SRGAP1: variants seen among roughly 807,000 people sequenced by gnomAD.
SRGAP1 encodes SLIT-ROBO Rho GTPase-activating protein 1.
A neutral mutation model predicts 121.9 loss-of-function variants in SRGAP1; 43 were observed. The observed-to-expected ratio is 0.35, with a 90% CI of 0.28 to 0.46. The LOEUF is 0.46. SRGAP1 is among the 20% of genes least tolerant of loss of function. SRGAP1 has a pLI of 1.00. For missense variants in SRGAP1, 1,102 were observed against 1,350.9 expected, an observed-to-expected ratio of 0.82 and a Z score of 2.89; for synonymous variants, 447 against 485.4, an observed-to-expected ratio of 0.92 and a Z score of 1.04.
rs1314200114 is a variant in SRGAP1, at chr12:64,153,836, A to C, written c.*11164A>C. ...TATCCAAAAGAATTGAAAACAGAAG[A>C]GATATTTGCACACTCATGTTCACGC... On this transcript the variant is annotated 3_prime_UTR_variant, in exon 22 of 22. Transcript: ENST00000355086. 1 of 152,250 alleles carries C rather than the reference A, an allele frequency of 6.6e-6. No individual in the cohort carries two copies. The highest frequency in any genetic ancestry group is 1.5e-5 in the Non-Finnish European group (1 of 68,052). The allele number at this position is 152,250 out of a possible 1,614,324, so 9.4% of individuals were successfully genotyped here.
chr12:64,137,541 T>C (rs2036875220), intron 21 of SRGAP1, among the ~76,000 whole-genome samples: 1 of 152,180 alleles, frequency 6.6e-6, no homozygotes, highest in African/African-American at 2.4e-5. Context: ...GCAGATTATT[T>C]TATTAAGCAA....
intron 6 of SRGAP1, among the ~76,000 whole-genome samples, chr12:64,051,268 C>T (rs12228437): frequency 0.54 from 81,716 of 152,030 alleles, 22,787 homozygotes; most frequent in South Asian, 0.67. Flanking sequence ...AACCCACCAA[C>T]GGTGATGCTA....
rs1365114980 is a variant in SRGAP1, at chr12:64,014,559, C to T, written c.427-2391C>T. On this transcript the variant is annotated intron_variant, in intron 3 of 21. Transcript: ENST00000355086. Reference sequence around the variant, plus strand: ...AAAATAATTTGGCACAACAAACCCCCATGACACAAGTTTACCTATACTACA... The same window carrying T: ...AAAATAATTTGGCACAACAAACCCCTATGACACAAGTTTACCTATACTACA... Among the ~76,000 whole-genome samples the T allele has an allele frequency of 2.6e-5, 4 of 152,218 alleles. No individual in the cohort carries two copies. In the East Asian group the frequency reaches 7.7e-4, roughly 29 times the overall value.
chr12:64,084,768 T>A (rs1198827917), intron 10 of SRGAP1, among the ~76,000 whole-genome samples: 1 of 152,184 alleles, frequency 6.6e-6, no homozygotes, highest in Non-Finnish European at 1.5e-5. Flanking sequence ...GTTACAAAAA[T>A]AGCAGAATTT....
chr12:64,033,582 G>A (rs2034831152), intron 4 of SRGAP1, among the ~76,000 whole-genome samples: 1 of 152,124 alleles, frequency 6.6e-6, no homozygotes. Flanking sequence ...GCCCAGCATG[G>A]TGGCGAATGC....
intron 6 of SRGAP1, among the ~76,000 whole-genome samples, chr12:64,060,947 A>T (rs1352318922): frequency 1.3e-5 from 2 of 152,210 alleles, no homozygotes; most frequent in Admixed American, 1.3e-4. Flanking sequence ...TAGTGAGTTG[A>T]ATTGAATCAA....
chr12:64,127,499 A>G (rs1211919409), intron 19 of SRGAP1, 91 bp from the exon 20 acceptor site: 8 of 1,282,592 alleles, frequency 6.2e-6, no homozygotes, highest in Non-Finnish European at 4.3e-6. Context: ...CATAAATGCT[A>G]TCACGTAAAT....
chr12:63,989,824 G>GT, intron 2 of SRGAP1, 86 bp from the exon 3 acceptor site: 1 of 990,868 alleles, frequency 1.0e-6, no homozygotes, highest in Non-Finnish European at 1.5e-6. Flanking sequence ...ATCTGTTGTG[G>GT]TTCTTTAGTT....
chr12:63,887,022 C>T lies in SRGAP1; in HGVS notation c.67+42139C>T, dbSNP rs112823151. 1.0e-2 allele frequency among the ~76,000 whole-genome samples: 1,514 copies of T among 152,058 alleles called. 34 individuals carry two copies. The highest frequency in any genetic ancestry group is 0.034 in the African/African-American group (1,421 of 41,448). The stretch of plus-strand genomic sequence containing the variant: ...CCAAGTAGCTGGGATTACAGGCATC[C>T]GCCACCATGCCTGGCTTATTTTTGT... On this transcript the variant is annotated intron_variant, in intron 1 of 21. Coordinates refer to ENST00000355086, the MANE Select transcript of SRGAP1 (RefSeq NM_020762.4).
At chr12:63,868,056 ATTT>A (rs1219689164) in intron 1 of SRGAP1, among the ~76,000 whole-genome samples, 6 of 57,862 alleles carry the variant, frequency 1.0e-4, no homozygotes, top group Non-Finnish European at 1.3e-4. Context: ...ATATATATAT[ATTT>A]TTTTTTTTTT....
chr12:63,870,838 G>C (rs1256393123), intron 1 of SRGAP1, among the ~76,000 whole-genome samples: 1 of 152,144 alleles, frequency 6.6e-6, no homozygotes, highest in African/African-American at 2.4e-5. Flanking sequence ...GTGTCCCAAA[G>C]TGCTGGGATT....
chr12:64,122,365 G>A (rs2036617634), intron 18 of SRGAP1, among the ~76,000 whole-genome samples: 1 of 152,198 alleles, frequency 6.6e-6, no homozygotes. Flanking sequence ...CATGCCCTGA[G>A]ATTGATTTGC....
At chr12:64,125,411 T>C (rs796599052) in intron 18 of SRGAP1, among the ~76,000 whole-genome samples, 1 of 152,184 alleles carries the variant, frequency 6.6e-6, no homozygotes, top group South Asian at 2.1e-4. Context: ...TCAGTGTTAG[T>C]TTGAAGATTT....
chr12:63,855,415 G>A (rs1899205147), intron 1 of SRGAP1, among the ~76,000 whole-genome samples: 1 of 148,198 alleles, frequency 6.7e-6, no homozygotes, highest in Non-Finnish European at 1.5e-5. Context: ...TAACTTGATG[G>A]TCACAGCATG....
chr12:63,999,635 T>C (rs1397547087), intron 3 of SRGAP1, among the ~76,000 whole-genome samples: 1 of 152,102 alleles, frequency 6.6e-6, no homozygotes, highest in Non-Finnish European at 1.5e-5. Context: ...AGGCGTCATA[T>C]GAGAGGAGAA....
At chr12:63,958,911 A>G (rs764115661) in intron 1 of SRGAP1, among the ~76,000 whole-genome samples, 3 of 152,202 alleles carry the variant, frequency 2.0e-5, no homozygotes, top group African/African-American at 4.8e-5. Flanking sequence ...TATGTAAAGC[A>G]TTTATTGAAG....
At chr12:63,952,887 C>A (rs1016823721) in intron 1 of SRGAP1, among the ~76,000 whole-genome samples, 1 of 152,132 alleles carries the variant, frequency 6.6e-6, no homozygotes, top group African/African-American at 2.4e-5. Flanking sequence ...CTCAAGCAAT[C>A]CTCCTGCCTC....
At chr12:64,099,797 C>T (rs2036225852) in intron 15 of SRGAP1, among the ~76,000 whole-genome samples, 1 of 152,212 alleles carries the variant, frequency 6.6e-6, no homozygotes, top group Non-Finnish European at 1.5e-5. Context: ...TACATCATGT[C>T]AGCTGTAACA....
intron 4 of SRGAP1, among the ~76,000 whole-genome samples, chr12:64,034,637 T>C (rs2034858558): frequency 2.0e-5 from 3 of 152,236 alleles, no homozygotes; most frequent in Non-Finnish European, 2.9e-5. Flanking sequence ...GCCTCTTCTG[T>C]GCTCTTCGTA....
Sources: gnomAD v4.1 joint callset for allele counts (sites outside exome capture counted in the v4.1 genomes callset) on GRCh38, gnomAD v4.1.1 for gene constraint, MANE v1.5 for transcripts, NCBI Gene and HGNC (gene_info 2026-07-23, HGNC 2026-07-21) for gene names.